The following CLSTN3 variants were observed in gnomAD, a reference collection of about 807,000 sequenced individuals.
CLSTN3 encodes the protein calsyntenin 3.
Under a neutral mutation model 95.9 loss-of-function variants are expected in CLSTN3, and 36 were observed. The observed-to-expected ratio is 0.38, with a 90% CI of 0.29 to 0.50. The LOEUF (loss-of-function observed/expected upper bound fraction) is 0.50, where lower values mean the gene tolerates loss of function less well. Ranked by LOEUF, CLSTN3 falls within the 20% of genes least tolerant of loss-of-function variation. The pLI is 0.95. For synonymous variants in CLSTN3, 481 were observed against 504.0 expected (o/e 0.95, Z 0.61); for missense variants, 1,084 against 1,268.8 (o/e 0.85, Z 2.21).
chr12:7,134,448 G>GCT (rs1438237333), intron 3 of CLSTN3, among the ~76,000 whole-genome samples: 1 of 152,238 alleles, frequency 6.6e-6, no homozygotes, highest in Non-Finnish European at 1.5e-5. Context: ...GAGATAAAAT[G>GCT]CTCTTTGTGA....
intron 16 of CLSTN3, among the ~76,000 whole-genome samples, chr12:7,151,527 T>C (rs944604443): frequency 3.9e-5 from 6 of 152,208 alleles, no homozygotes; most frequent in African/African-American, 1.4e-4. Flanking sequence ...TACTATTACA[T>C]GTAAAATTAT....
At chr12:7,129,936 C>T (rs1269891931), upstream of CLSTN3, 5 of 428,546 alleles carry the variant, frequency 1.2e-5, no homozygotes, top group Non-Finnish European at 1.6e-5. The surrounding 1 kb of genome is among the most constrained non-coding windows in gnomAD (Gnocchi z 5.5). Context: ...GCTACAAATG[C>T]CAGGATTTCT....
rs1024318833 is a variant in CLSTN3 at position 7,156,986 on chromosome 12, C to T, written c.2528-503C>T. 3.6e-5 allele frequency: 13 copies of T among 363,534 alleles called. No homozygotes were observed. The Admixed American group carries it at 3.6e-4, about 10-fold the overall frequency. 22.5% of individuals were successfully genotyped at this position (363,534 alleles called of 1,614,324 possible). ...TTGGACTTGTCCCCAGCCTCAGGTG[C>T]TAGTGCCCTCTTCCTGCAGCCAGCC... On this transcript the variant is annotated intron_variant, in intron 16 of 17. Coordinates refer to ENST00000266546, the MANE Select transcript of CLSTN3 (RefSeq NM_014718.4).
rs886476541 is a variant in CLSTN3 at position 7,141,342 on chromosome 12, A to G, written c.1424A>G (p.Asp475Gly). 2 of 1,614,060 alleles carry G rather than the reference A, an allele frequency of 1.2e-6. No individual in the cohort carries two copies. Among genetic ancestry groups the G allele is most frequent in the Admixed American group, 1.7e-5 (1 of 60,014 alleles). ...TCCTTCGACCCTGCCCTCATCCATGACAATGGCCTCATCCACCCACCCCGA... is the reference window on the plus strand; with the variant it reads ...TCCTTCGACCCTGCCCTCATCCATGGCAATGGCCTCATCCACCCACCCCGA... ...GISFDPALIH[D>G]NGLIHPPRRE... is the part of the protein sequence containing the mutation. Residue 475 changes from aspartate (D) to glycine (G), a missense_variant, in exon 9 of 18, where the codon GAC (aspartate) becomes GGC (glycine). Asp to Gly is a moderately conservative substitution (Grantham distance 94). Coordinates refer to ENST00000266546, the MANE Select transcript of CLSTN3 (RefSeq NM_014718.4). This position sits in a 1 kb window ranked among gnomAD's most constrained non-coding sequence, Gnocchi z 4.1.
intron 16 of CLSTN3, among the ~76,000 whole-genome samples, chr12:7,155,647 C>T (rs1939802383): frequency 1.3e-5 from 2 of 152,264 alleles, no homozygotes; most frequent in African/African-American, 4.8e-5. Context: ...AGAGACAGCT[C>T]TGTCCCCTCC....
In CLSTN3 at chr12:7,157,051, C is replaced by T. The variant is rs745559561; in HGVS notation, c.2528-438C>T. On this transcript the variant is annotated intron_variant, in intron 16 of 17. Transcript: ENST00000266546. This position sits in a 1 kb window ranked among gnomAD's most constrained non-coding sequence, Gnocchi z 5.9. ...GCATCTCCTCCTGCTCAGCCAAGCC[C>T]GTGTGGGGGCCCCTCCTCTCCCTCA... 4.2e-5 allele frequency: 15 copies of T among 355,998 alleles called. No individual in the cohort carries two copies. Among genetic ancestry groups the T allele is most frequent in the East Asian group, 7.5e-5 (1 of 13,334 alleles). 22.1% of individuals were successfully genotyped at this position (355,998 alleles called of 1,614,324 possible). A position where few individuals can be genotyped will look rare whatever the true frequency, so the allele number is the denominator to read the frequency against.
rs939630822 is a variant in CLSTN3, at chr12:7,133,416, G to A, written c.188-157G>A. 2.0e-5 allele frequency among the ~76,000 whole-genome samples: 3 copies of A among 152,176 alleles called. No individual in the cohort carries two copies. The highest frequency in any genetic ancestry group is 4.4e-5 in the Non-Finnish European group (3 of 68,024). On this transcript the variant is annotated intron_variant, in intron 2 of 17. Coordinates refer to ENST00000266546, the MANE Select transcript of CLSTN3 (RefSeq NM_014718.4). The surrounding 1 kb of genome is among the most constrained non-coding windows in gnomAD (Gnocchi z 4.7). ...TGGGAGGTTGCTGCTCAGGGAAGCT[G>A]GGCTTAGAGTTGCGTGTTTGATCAT...
intron 12 of CLSTN3, among the ~76,000 whole-genome samples, chr12:7,146,242 G>A (rs1203880275): frequency 6.6e-6 from 1 of 152,072 alleles, no homozygotes; most frequent in Non-Finnish European, 1.5e-5. Context: ...CCAGAAGTTC[G>A]AGACCAGCCT....
upstream of CLSTN3, chr12:7,130,224 A>G (rs1364396274): frequency 1.5e-5 from 4 of 268,388 alleles, no homozygotes; most frequent in African/African-American, 7.1e-5. Flanking sequence ...CCAAAATTGC[A>G]GCCAGGGGAA....
chr12:7,156,049 G>T, intron 16 of CLSTN3: 1 of 356,648 alleles, frequency 2.8e-6, no homozygotes, highest in Non-Finnish European at 5.6e-6. Flanking sequence ...TTGCGGACGG[G>T]GCTGGAATGC....
intron 8 of CLSTN3, among the ~76,000 whole-genome samples, chr12:7,140,856 A>G (rs1473481393): frequency 6.6e-6 from 1 of 152,206 alleles, no homozygotes; most frequent in Non-Finnish European, 1.5e-5. Flanking sequence ...TCAGTGGGCT[A>G]TGATTGCACC....
intron 12 of CLSTN3, among the ~76,000 whole-genome samples, chr12:7,144,232 CAA>C (rs754358387): frequency 7.3e-3 from 510 of 69,616 alleles, no homozygotes; most frequent in African/African-American, 0.029. Context: ...GACTCCATCT[CAA>C]AAAAAAAAAA....
chr12:7,156,840 G>A (rs1388337114), intron 16 of CLSTN3: 1 of 455,862 alleles, frequency 2.2e-6, no homozygotes, highest in South Asian at 1.6e-5. Context: ...ATGCCTCAGG[G>A]GGAGATGTTG....
chr12:7,147,619 T>C (rs1224711362), intron 12 of CLSTN3, among the ~76,000 whole-genome samples: 1 of 151,212 alleles, frequency 6.6e-6, no homozygotes, highest in African/African-American at 2.4e-5. Context: ...GGCTCAAGTG[T>C]TCCTTCCACC....
rs200598370 is a variant in CLSTN3 at position 7,133,522 on chromosome 12, G to A, written c.188-51G>A. ...TGGACCCCAGGTGGGGAGACTGAGG[G>A]TGGGGAAGGAGACACAGCAGCCTCA... On this transcript the variant is annotated intron_variant, in intron 2 of 17. Transcript: ENST00000266546. This position sits in a 1 kb window ranked among gnomAD's most constrained non-coding sequence, Gnocchi z 4.7. 1,122 of 1,582,078 alleles carry A rather than the reference G, an allele frequency of 7.1e-4. 1 individual carries two copies. Among genetic ancestry groups the A allele is most frequent in the Non-Finnish European group, 9.0e-4 (1,039 of 1,153,416 alleles).
At chr12:7,151,237 G>T in intron 16 of CLSTN3, 174 bp downstream of exon 16, 1 of 621,536 alleles carries the variant, frequency 1.6e-6, no homozygotes, top group Non-Finnish European at 2.5e-6. Flanking sequence ...CTCTCCCTTT[G>T]GATCATTCAC....
chr12:7,156,524 G>A (rs989319487), intron 16 of CLSTN3: 5 of 456,702 alleles, frequency 1.1e-5, no homozygotes, highest in East Asian at 6.9e-5. Context: ...CCCCAGACGC[G>A]TTCCTTTACT....
chr12:7,135,177 A>G, intron 3 of CLSTN3, 150 bp from the exon 4 acceptor site: 1 of 734,140 alleles, frequency 1.4e-6, no homozygotes, highest in South Asian at 1.7e-5. Flanking sequence ...ACGGTATCGA[A>G]CCTGTCCCTC....
chr12:7,155,977 G>A, intron 16 of CLSTN3: 1 of 333,202 alleles, frequency 3.0e-6, no homozygotes, highest in Non-Finnish European at 5.9e-6. Flanking sequence ...GAGCTCCTGG[G>A]CCATGCGCTT....
Sources: gnomAD v4.1 joint callset for allele counts (sites outside exome capture counted in the v4.1 genomes callset) on GRCh38, gnomAD v4.1.1 for gene constraint, Gnocchi (gnomAD v3.1) non-coding constraint, MANE v1.5 for transcripts, NCBI Gene and HGNC (gene_info 2026-07-23, HGNC 2026-07-21) for gene names.